The following NKIRAS1 variants were observed in gnomAD, a reference collection of about 807,000 sequenced individuals.
NKIRAS1 encodes the protein NFKB inhibitor interacting Ras like 1, also known as NF-kappa-B inhibitor-interacting Ras-like protein 1.
A neutral mutation model predicts 19.8 loss-of-function variants in NKIRAS1; 16 were observed. The observed-to-expected ratio is 0.81, with a 90% confidence interval of 0.55 to 1.23. The LOEUF (loss-of-function observed/expected upper bound fraction) is 1.23. Among genes scored for constraint, NKIRAS1 ranks in the 50% most tolerant of loss-of-function variants. The pLI is 0.00. For missense variants in NKIRAS1, 184 were observed against 220.0 expected (o/e 0.84, Z 1.04); for synonymous variants, 88 against 79.0 (o/e 1.11, Z -0.61).
chr3:23,936,948 C>T (rs1705405295), intron 1 of NKIRAS1, among the ~76,000 whole-genome samples: 2 of 152,198 alleles, frequency 1.3e-5, no homozygotes, highest in East Asian at 3.9e-4. Flanking sequence ...GTGACTTTCC[C>T]AGTGAGGGAA....
At chr3:23,915,485 G>C (rs1371584555) in intron 1 of NKIRAS1, among the ~76,000 whole-genome samples, 2 of 152,134 alleles carry the variant, frequency 1.3e-5, no homozygotes, top group Non-Finnish European at 2.9e-5. Flanking sequence ...CAGGAGCAAT[G>C]GAAGACTAAC....
At chr3:23,906,523 A>C (rs1703080352) in intron 3 of NKIRAS1, among the ~76,000 whole-genome samples, 1 of 152,198 alleles carries the variant, frequency 6.6e-6, no homozygotes, top group Admixed American at 6.5e-5. Context: ...GCCACCTGAC[A>C]CAGCAAGACC....
Position 23,891,819 on chromosome 3 carries a change from A to AATC in NKIRAS1, c.*1273_*1275dup, listed in dbSNP as rs1173154652. ...GCAAACTGGAAGGTACTTATTTAAA[A>AATC]ATCATTATGAAAGCATTTGTCCATC... On this transcript the variant is annotated 3_prime_UTR_variant, in exon 5 of 5. Coordinates refer to ENST00000425478, the MANE Select transcript of NKIRAS1 (RefSeq NM_020345.4). 6.6e-6 allele frequency: 1 copy of AATC among 152,244 alleles called. No homozygotes were observed. The highest frequency in any genetic ancestry group is 2.4e-5 in the African/African-American group (1 of 41,466). The allele number at this position is 152,244 out of a possible 1,614,324, so 9.4% of individuals were successfully genotyped here. A position where few individuals can be genotyped will look rare whatever the true frequency, so the allele number is the denominator to read the frequency against.
intron 1 of NKIRAS1, among the ~76,000 whole-genome samples, chr3:23,936,850 G>A (rs1392898037): frequency 1.3e-5 from 2 of 152,218 alleles, no homozygotes; most frequent in Non-Finnish European, 2.9e-5. Context: ...TACTGCGCCC[G>A]GCTGAAAAAT....
intron 4 of NKIRAS1, among the ~76,000 whole-genome samples, chr3:23,898,695 C>A (rs544197799): frequency 1.7e-4 from 26 of 152,118 alleles, no homozygotes; most frequent in Non-Finnish European, 3.7e-4. Context: ...CTGCCCACCT[C>A]GGCCTCCCAA....
chr3:23,923,258 T>C (rs1024168556), intron 1 of NKIRAS1: 3 of 150,556 alleles, frequency 2.0e-5, no homozygotes, highest in South Asian at 2.1e-4. Context: ...TTTGCTCTTA[T>C]AGCCCAGGTT....
intron 1 of NKIRAS1, chr3:23,924,111 A>G (rs1323882168): frequency 6.6e-6 from 1 of 152,248 alleles, no homozygotes; most frequent in Non-Finnish European, 1.5e-5. Context: ...CTATTAATAC[A>G]AGATGGGTGA....
At chr3:23,921,287 C>G (rs1360327460), upstream of NKIRAS1, among the ~76,000 whole-genome samples, 2 of 152,198 alleles carry the variant, frequency 1.3e-5, no homozygotes, top group Non-Finnish European at 2.9e-5. Flanking sequence ...TTAAATTGAT[C>G]ATGGCACTCC....
chr3:23,932,997 TG>T (rs1471866173), intron 1 of NKIRAS1, among the ~76,000 whole-genome samples: 1 of 152,158 alleles, frequency 6.6e-6, no homozygotes, highest in Non-Finnish European at 1.5e-5. Context: ...GCAAATCAGC[TG>T]ACTTTGAGAT....
At chr3:23,912,668 T>C (rs567923811) in intron 1 of NKIRAS1, among the ~76,000 whole-genome samples, 1 of 152,316 alleles carries the variant, frequency 6.6e-6, no homozygotes, top group East Asian at 1.9e-4. Context: ...AAATACCATT[T>C]GACCCAGTAA....
exon 1 of NKIRAS1, chr3:23,946,427 G>C (rs1575141978): frequency 7.6e-6 from 3 of 392,966 alleles, no homozygotes; most frequent in Non-Finnish European, 6.9e-6. Flanking sequence ...GCTCGAAGGA[G>C]CTCTGAGGTG....
chr3:23,926,029 AATTT>A lies in NKIRAS1; in HGVS notation c.-139-14583_-139-14580del, dbSNP rs1559514916. On this transcript the variant is annotated intron_variant, in intron 1 of 4. Coordinates refer to the NKIRAS1 transcript ENST00000421515. This position sits in a 1 kb window ranked among gnomAD's most constrained non-coding sequence, Gnocchi z 4.3. Reference sequence around the variant, plus strand: ...ACAGAAATTTCTGTTGTATAGTGCCAATTTATTTATTTTTATTTTTATTTATTTA... The same window carrying A: ...ACAGAAATTTCTGTTGTATAGTGCCAATTTATTTTTATTTTTATTTATTTA... Among the ~76,000 whole-genome samples the A allele has an allele frequency of 6.6e-6, 1 of 152,006 alleles. No homozygotes were observed. The highest frequency in any genetic ancestry group is 2.4e-5 in the African/African-American group (1 of 41,384).
At position 23,891,575 on chromosome 3, in the gene NKIRAS1, T is replaced by C. The variant is rs1422421838; in HGVS notation, c.*1520A>G. 1 of 152,194 alleles carries C rather than the reference T, an allele frequency of 6.6e-6. No homozygotes were observed. The highest frequency in any genetic ancestry group is 1.9e-4 in the East Asian group (1 of 5,204). 9.4% of individuals were successfully genotyped at this position (152,194 alleles called of 1,614,324 possible). A position where few individuals can be genotyped will look rare whatever the true frequency, so the allele number is the denominator to read the frequency against. The stretch of plus-strand genomic sequence containing the variant: ...AAAGCATTTTCTGACTTGCAGATGC[T>C]GTAGTAGCAAGTACATGAGAAATGG... On this transcript the variant is annotated 3_prime_UTR_variant, in exon 5 of 5. Transcript: ENST00000425478.
intron 4 of NKIRAS1, among the ~76,000 whole-genome samples, chr3:23,893,798 CAAAAAAAAAAA>C (rs58905555): frequency 3.7e-5 from 3 of 81,556 alleles, no homozygotes; most frequent in East Asian, 3.8e-4. Flanking sequence ...GACTCCATCT[CAAAAAAAAAAA>C]AAAAAAAAAA....
intron 1 of NKIRAS1, among the ~76,000 whole-genome samples, chr3:23,940,534 T>G (rs1164556062): frequency 6.6e-6 from 1 of 152,194 alleles, no homozygotes; most frequent in African/African-American, 2.4e-5. Context: ...ACTGATCTTG[T>G]TGGTGTCAAT....
At position 23,927,430 on chromosome 3, in the gene NKIRAS1, TAATC is replaced by T. The variant is rs1705229483; in HGVS notation, c.-139-15984_-139-15981del. 6.6e-6 allele frequency among the ~76,000 whole-genome samples: 1 copy of T among 152,228 alleles called. No individual in the cohort carries two copies. Among genetic ancestry groups the T allele is most frequent in the Admixed American group, 6.5e-5 (1 of 15,278 alleles). The stretch of plus-strand genomic sequence containing the variant: ...AGTTGGCTTGTGACATTAAACCTCA[TAATC>T]AAAGCATTCAAACTTAACGAAATGC... On this transcript the variant is annotated intron_variant, in intron 1 of 4. Coordinates refer to the NKIRAS1 transcript ENST00000421515. This position sits in a 1 kb window ranked among gnomAD's most constrained non-coding sequence, Gnocchi z 4.0.
At chr3:23,930,746 G>A (rs1373619274) in intron 1 of NKIRAS1, among the ~76,000 whole-genome samples, 1 of 152,020 alleles carries the variant, frequency 6.6e-6, no homozygotes, top group Admixed American at 6.6e-5. Flanking sequence ...TGTCACCCAG[G>A]CACAATTGTG....
chr3:23,904,246 C>A (rs1423579097), intron 3 of NKIRAS1, among the ~76,000 whole-genome samples: 6 of 152,190 alleles, frequency 3.9e-5, no homozygotes, highest in Non-Finnish European at 7.3e-5. Context: ...TAACAAAATA[C>A]CACAGACTGG....
chr3:23,913,023 AGAGT>A (rs1348445912), intron 1 of NKIRAS1, among the ~76,000 whole-genome samples: 4 of 142,252 alleles, frequency 2.8e-5, no homozygotes, highest in Non-Finnish European at 4.5e-5. Flanking sequence ...CCTGGGTGAC[AGAGT>A]GAGACTCCGT....
Sources: allele counts gnomAD v4.1 joint callset (sites outside exome capture counted in the v4.1 genomes callset), GRCh38; gene constraint gnomAD v4.1.1; non-coding constraint Gnocchi (gnomAD v3.1); transcripts MANE v1.5; gene names NCBI Gene and HGNC (gene_info 2026-07-23, HGNC 2026-07-21).